IGSF11: variants seen among roughly 807,000 people sequenced by gnomAD.
IGSF11 encodes the protein immunoglobulin superfamily member 11.
IGSF11 carries 22 observed loss-of-function variants against 41.0 expected under a neutral mutation model. That is an observed-to-expected ratio of 0.54 (90% CI 0.38 to 0.77). IGSF11 has a LOEUF of 0.77. Among genes scored for constraint, IGSF11 ranks in the 30% least tolerant of loss-of-function variants. The pLI is 0.00. For synonymous variants in IGSF11, 219 were observed against 201.3 expected (o/e 1.09, Z -0.74); for missense variants, 444 against 530.8 (o/e 0.84, Z 1.61).
At chr3:119,065,893 T>A (rs766279707) in intron 1 of IGSF11, among the ~76,000 whole-genome samples, 7 of 152,126 alleles carry the variant, frequency 4.6e-5, no homozygotes, top group Admixed American at 2.0e-4. Flanking sequence ...TCACAAATTC[T>A]TAGAAGAATT....
intron 1 of IGSF11, among the ~76,000 whole-genome samples, chr3:118,983,065 A>G (rs2107638900): frequency 6.6e-6 from 1 of 152,326 alleles, no homozygotes; most frequent in Non-Finnish European, 1.5e-5. Context: ...GCCCCAACAT[A>G]ATTGCAAGGA....
intron 1 of IGSF11, among the ~76,000 whole-genome samples, chr3:118,941,630 CAAGTA>C (rs1369684991): frequency 2.0e-5 from 3 of 152,074 alleles, no homozygotes; most frequent in Admixed American, 1.3e-4. Context: ...TTATGCAAGA[CAAGTA>C]AAGATACAGA....
chr3:119,071,150 A>T (rs746262997), intron 1 of IGSF11, among the ~76,000 whole-genome samples: 2 of 152,208 alleles, frequency 1.3e-5, no homozygotes, highest in Non-Finnish European at 2.9e-5. Flanking sequence ...AAACAACTGG[A>T]AAACATTTTT....
chr3:118,977,274 G>A (rs1286946678), intron 1 of IGSF11, among the ~76,000 whole-genome samples: 1 of 152,118 alleles, frequency 6.6e-6, no homozygotes, highest in Non-Finnish European at 1.5e-5. Flanking sequence ...TATTTTTTGA[G>A]GTCTATTTCT....
intron 1 of IGSF11, among the ~76,000 whole-genome samples, chr3:118,968,945 T>TAA (rs1233908250): frequency 6.6e-6 from 1 of 152,102 alleles, no homozygotes; most frequent in Non-Finnish European, 1.5e-5. Flanking sequence ...ATAAAACAGA[T>TAA]AAAGATAAAA....
chr3:119,051,312 A>C (rs997527285), intron 1 of IGSF11, among the ~76,000 whole-genome samples: 2 of 152,096 alleles, frequency 1.3e-5, no homozygotes, highest in Non-Finnish European at 2.9e-5. Flanking sequence ...AAAAGTAAGC[A>C]GGAGTAGCTG....
At chr3:118,983,649 C>T (rs959107977) in intron 1 of IGSF11, among the ~76,000 whole-genome samples, 1 of 152,026 alleles carries the variant, frequency 6.6e-6, no homozygotes, top group African/African-American at 2.4e-5. Flanking sequence ...TCCAGTTACA[C>T]AAATGAGAAA....
chr3:118,961,417 C>A (rs1945325037), intron 1 of IGSF11, among the ~76,000 whole-genome samples: 1 of 152,174 alleles, frequency 6.6e-6, no homozygotes, highest in Middle Eastern at 3.4e-3. Context: ...CACAAAGGGG[C>A]AATTTTCCTA....
At chr3:119,093,387 C>T (rs1418448644) in intron 1 of IGSF11, among the ~76,000 whole-genome samples, 2 of 148,896 alleles carry the variant, frequency 1.3e-5, no homozygotes, top group Non-Finnish European at 3.0e-5. Flanking sequence ...CATTTACACA[C>T]ATGGGCTTCT....
Position 118,999,467 on chromosome 3 carries a change from T to A in IGSF11, c.52+35064A>T, listed in dbSNP as rs181133286. ...TGACATATAAAATTCTAGAGTTAAT[T>A]TCATCCCAAACCCTTCAGATGTTCC... On this transcript the variant is annotated intron_variant, in intron 1 of 6. Coordinates refer to ENST00000393775, the MANE Select transcript of IGSF11 (RefSeq NM_001015887.3). 5.2e-4 allele frequency among the ~76,000 whole-genome samples: 79 copies of A among 152,250 alleles called. 1 individual carries two copies. Among genetic ancestry groups the A allele is most frequent in the African/African-American group, 1.9e-3 (77 of 41,558 alleles).
intron 1 of IGSF11, among the ~76,000 whole-genome samples, chr3:119,136,488 C>G (rs745419744): frequency 6.6e-6 from 1 of 152,038 alleles, no homozygotes; most frequent in Non-Finnish European, 1.5e-5. Flanking sequence ...AAGGATATTC[C>G]ATGTCTATGG....
chr3:119,123,709 G>A (rs918685428), intron 1 of IGSF11, among the ~76,000 whole-genome samples: 1 of 152,168 alleles, frequency 6.6e-6, no homozygotes, highest in African/African-American at 2.4e-5. Flanking sequence ...GAGAACAAGA[G>A]TCCCTACCTG....
chr3:119,114,693 C>T (rs2077232085), intron 1 of IGSF11, among the ~76,000 whole-genome samples: 1 of 152,186 alleles, frequency 6.6e-6, no homozygotes, highest in African/African-American at 2.4e-5. Context: ...CTGAGCCCTC[C>T]CAAATGTTCT....
At chr3:119,014,395 A>G (rs1938461807) in intron 1 of IGSF11, among the ~76,000 whole-genome samples, 1 of 152,226 alleles carries the variant, frequency 6.6e-6, no homozygotes, top group South Asian at 2.1e-4. Context: ...CCACAATTAC[A>G]CAAGCACATA....
At chr3:119,068,558 C>T (rs1942301487) in intron 1 of IGSF11, among the ~76,000 whole-genome samples, 1 of 152,172 alleles carries the variant, frequency 6.6e-6, no homozygotes, top group African/African-American at 2.4e-5. Context: ...TTAATATTTG[C>T]ATGCTAGCAG....
upstream of IGSF11, among the ~76,000 whole-genome samples, chr3:119,108,288 T>C (rs1286452944): frequency 5.7e-5 from 8 of 141,144 alleles, no homozygotes; most frequent in East Asian, 6.6e-4. Context: ...TAGTTGTCCT[T>C]GAAGAGGTCC....
At chr3:119,109,801 G>A (rs575527479), upstream of IGSF11, among the ~76,000 whole-genome samples, 83 of 152,170 alleles carry the variant, frequency 5.5e-4, 1 homozygote, top group East Asian at 5.8e-4. Flanking sequence ...CTTTGTTCTC[G>A]TTGGTTTCAA....
At chr3:118,937,509 T>TA (rs887382239) in intron 1 of IGSF11, among the ~76,000 whole-genome samples, 97 of 148,658 alleles carry the variant, frequency 6.5e-4, no homozygotes, top group Non-Finnish European at 1.2e-3. Context: ...CCATCTCAAC[T>TA]AAAAAAAAAA....
At chr3:119,079,208 A>G (rs1188378306) in intron 1 of IGSF11, among the ~76,000 whole-genome samples, 1 of 152,038 alleles carries the variant, frequency 6.6e-6, no homozygotes, top group African/African-American at 2.4e-5. Flanking sequence ...AAATACAAAA[A>G]ATTAGCCGGG....
Sources: gnomAD v4.1 joint callset for allele counts (sites outside exome capture counted in the v4.1 genomes callset) on GRCh38, gnomAD v4.1.1 for gene constraint, MANE v1.5 for transcripts, NCBI Gene and HGNC (gene_info 2026-07-23, HGNC 2026-07-21) for gene names.